AFF3: variants seen among roughly 807,000 people sequenced by gnomAD.
AFF3 encodes the protein AF4/FMR2 family member 3.
AFF3 carries 32 observed loss-of-function variants against 129.7 expected under a neutral mutation model. That is an observed-to-expected ratio of 0.25 (90% CI 0.19 to 0.33). The LOEUF is 0.33. Ranked by LOEUF, AFF3 falls within the 10% of genes least tolerant of loss-of-function variation. The pLI is 1.00. For missense variants in AFF3, 1,373 were observed against 1,592.0 expected (o/e 0.86, Z 2.34); for synonymous variants, 644 against 635.4 (o/e 1.01, Z -0.20).
intron 8 of AFF3, among the ~76,000 whole-genome samples, chr2:99,768,751 A>G (rs1195723068): frequency 6.6e-6 from 1 of 152,064 alleles, no homozygotes; most frequent in Admixed American, 6.6e-5. Context: ...TTTGAAGGAT[A>G]TTTTCACCAG....
At position 99,753,660 on chromosome 2, in the gene AFF3, C is replaced by T. The variant is rs541348452; in HGVS notation, c.922-1359G>A. On this transcript the variant is annotated intron_variant, in intron 8 of 24. Transcript: ENST00000672756. ...ATAGTGCAGAACCCACACAGGAAGCCGTGGGAGGGCGAGTGTGTTCAAAGC... is the reference window on the plus strand; with the variant it reads ...ATAGTGCAGAACCCACACAGGAAGCTGTGGGAGGGCGAGTGTGTTCAAAGC... Among the ~76,000 whole-genome samples the T allele has an allele frequency of 2.6e-5, 4 of 152,196 alleles. No homozygotes were observed. The South Asian group carries it at 8.3e-4, about 32-fold the overall frequency.
intron 7 of AFF3, among the ~76,000 whole-genome samples, chr2:99,952,899 C>G (rs1346490630): frequency 6.6e-6 from 1 of 152,172 alleles, no homozygotes; most frequent in African/African-American, 2.4e-5. Flanking sequence ...GTTGAATCAT[C>G]CTGTGTTTCA....
chr2:100,014,733 T>C (rs990982394), intron 4 of AFF3, among the ~76,000 whole-genome samples: 3 of 151,670 alleles, frequency 2.0e-5, no homozygotes, highest in African/African-American at 7.3e-5. Flanking sequence ...TGGGAGTATA[T>C]TCAGAGGCGG....
intron 11 of AFF3, among the ~76,000 whole-genome samples, chr2:99,704,455 C>A (rs1369023110): frequency 1.3e-5 from 2 of 152,180 alleles, no homozygotes; most frequent in African/African-American, 2.4e-5. Context: ...CAGCTCCTGG[C>A]ACCCTGATAA....
rs192483872 is a variant in AFF3, at chr2:99,819,951, G to T, written c.921+17526C>A. ...TGTGGGAAGGATGCCTCCACCAGGA[G>T]GTGCCAGTCATCATAGAGCTCCATG... On this transcript the variant is annotated intron_variant, in intron 8 of 24. Transcript: ENST00000672756. Among the ~76,000 whole-genome samples the T allele has an allele frequency of 6.4e-4, 98 of 152,336 alleles. 1 individual carries two copies. The highest frequency in any genetic ancestry group is 2.3e-3 in the African/African-American group (95 of 41,580).
At chr2:99,996,301 G>C (rs1680822600) in intron 7 of AFF3, among the ~76,000 whole-genome samples, 1 of 152,122 alleles carries the variant, frequency 6.6e-6, no homozygotes. Flanking sequence ...GAAAGATGAA[G>C]TACAGAAAAA....
At chr2:99,637,185 GAAC>G (rs1683748390) in intron 13 of AFF3, among the ~76,000 whole-genome samples, 1 of 152,210 alleles carries the variant, frequency 6.6e-6, no homozygotes, top group Non-Finnish European at 1.5e-5. Flanking sequence ...ATGAAAAACA[GAAC>G]AAAACAAAAC....
intron 1 of AFF3, among the ~76,000 whole-genome samples, chr2:100,135,216 A>G (rs753651421): frequency 2.6e-5 from 4 of 152,148 alleles, no homozygotes; most frequent in Non-Finnish European, 5.9e-5. Flanking sequence ...AGTGGATTGT[A>G]TTTCCCAAAG....
At chr2:99,858,751 G>A (rs775677486) in intron 7 of AFF3, among the ~76,000 whole-genome samples, 1 of 152,154 alleles carries the variant, frequency 6.6e-6, no homozygotes, top group Non-Finnish European at 1.5e-5. Context: ...GACTTTTGGA[G>A]AGTGGAGGGT....
intron 7 of AFF3, among the ~76,000 whole-genome samples, chr2:99,995,340 C>T (rs914776577): frequency 1.3e-5 from 2 of 151,308 alleles, no homozygotes; most frequent in African/African-American, 2.4e-5. Context: ...CCTCATCTTA[C>T]GTCAAAACAA....
chr2:99,747,473 G>A (rs13010551), intron 9 of AFF3, among the ~76,000 whole-genome samples: 112,274 of 152,030 alleles, frequency 0.74, 42,321 homozygotes, highest in East Asian at 0.92. Flanking sequence ...GGCACGCGCC[G>A]CCATGCCTAG....
chr2:99,924,520 T>G lies in AFF3; in HGVS notation c.873+82112A>C, dbSNP rs1480036368. 2.6e-5 allele frequency among the ~76,000 whole-genome samples: 4 copies of G among 152,214 alleles called. No individual in the cohort carries two copies. The East Asian group carries it at 7.7e-4, about 29-fold the overall frequency. ...AGAATTCTTTCCATGGTGCTTAGCA[T>G]AGCACCTTGTATGCAGTTAGTGGTC... On this transcript the variant is annotated intron_variant, in intron 7 of 24. Transcript: ENST00000672756.
At chr2:99,744,069 C>T (rs751978880) in intron 10 of AFF3, 35 bp downstream of exon 10, 16 of 1,575,566 alleles carry the variant, frequency 1.0e-5, no homozygotes, top group African/African-American at 1.4e-5. Context: ...ACCCCCTGCT[C>T]CCCAGATGAA....
intron 15 of AFF3, among the ~76,000 whole-genome samples, chr2:99,592,714 A>G (rs1251911876): frequency 2.0e-5 from 3 of 152,088 alleles, no homozygotes; most frequent in Non-Finnish European, 4.4e-5. Flanking sequence ...CAGGCAGATC[A>G]CTTGAGGTCA....
intron 11 of AFF3, among the ~76,000 whole-genome samples, chr2:99,701,856 C>T (rs1676897049): frequency 6.6e-6 from 1 of 152,234 alleles, no homozygotes; most frequent in Non-Finnish European, 1.5e-5. Flanking sequence ...AACCACTGAT[C>T]TGTTCTCCGT....
intron 8 of AFF3, among the ~76,000 whole-genome samples, chr2:99,784,344 T>C (rs143235818): frequency 6.6e-6 from 1 of 152,300 alleles, no homozygotes; most frequent in African/African-American, 2.4e-5. Context: ...CATGTGTGTA[T>C]ATTTCAGTGT....
intron 16 of AFF3, among the ~76,000 whole-genome samples, chr2:99,586,204 C>T (rs1233573826): frequency 6.6e-6 from 1 of 152,192 alleles, no homozygotes; most frequent in Non-Finnish European, 1.5e-5. Flanking sequence ...TTCCCCATTT[C>T]CCCTTTCCCA....
chr2:100,045,995 G>A (rs557409223), intron 4 of AFF3, among the ~76,000 whole-genome samples: 16 of 152,206 alleles, frequency 1.1e-4, no homozygotes, highest in African/African-American at 3.6e-4. Flanking sequence ...GACTGCATGA[G>A]GGTTGGCACC....
chr2:99,894,394 G>A (rs1012335338), intron 7 of AFF3, among the ~76,000 whole-genome samples: 4 of 152,106 alleles, frequency 2.6e-5, no homozygotes, highest in Non-Finnish European at 5.9e-5. Flanking sequence ...AGGGAAAAAA[G>A]GAAGGAACCA....
Sources: gnomAD v4.1 joint callset for allele counts (sites outside exome capture counted in the v4.1 genomes callset) on GRCh38, gnomAD v4.1.1 for gene constraint, MANE v1.5 for transcripts, NCBI Gene and HGNC (gene_info 2026-07-23, HGNC 2026-07-21) for gene names.